Variants in CCDC146 observed in about 807,000 individuals in gnomAD.
CCDC146 encodes the protein coiled-coil domain-containing protein 146.
A neutral mutation model predicts 119.3 loss-of-function variants in CCDC146; 92 were observed. That is an observed-to-expected ratio of 0.77 (90% CI 0.65 to 0.92). The LOEUF (loss-of-function observed/expected upper bound fraction) is 0.92, where lower values mean the gene tolerates loss of function less well. Ranked by LOEUF, CCDC146 falls within the 40% of genes least tolerant of loss-of-function variation. CCDC146 has a pLI of 0.00. For missense variants in CCDC146, 1,000 were observed against 1,103.0 expected (o/e 0.91, Z 1.32); for synonymous variants, 372 against 371.8 (o/e 1.00, Z -0.01).
chr7:77,167,403 T>C (rs558747338), intron 1 of CCDC146, among the ~76,000 whole-genome samples: 150 of 152,078 alleles, frequency 9.9e-4, no homozygotes, highest in Non-Finnish European at 1.8e-3. Context: ...AATTCATATA[T>C]ATTTTTTATT....
chr7:77,162,025 G>A (rs1408157919), intron 1 of CCDC146, among the ~76,000 whole-genome samples: 1 of 152,024 alleles, frequency 6.6e-6, no homozygotes, highest in Non-Finnish European at 1.5e-5. Context: ...AGTTGTATAA[G>A]TTCCTTGTAT....
chr7:77,287,333 A>G (rs578184561), intron 16 of CCDC146, 107 bp from the exon 17 acceptor site: 39 of 1,185,750 alleles, frequency 3.3e-5, no homozygotes, highest in Middle Eastern at 2.8e-4. Context: ...AACACTTTCC[A>G]GAGGTATTTT....
Position 77,214,784 on chromosome 7 carries a change from G to C in CCDC146, c.157-22163G>C, listed in dbSNP as rs575258061. 5.3e-5 allele frequency among the ~76,000 whole-genome samples: 8 copies of C among 152,026 alleles called. No individual in the cohort carries two copies. The South Asian group carries it at 8.3e-4, about 16-fold the overall frequency. ...TCTGAGTTCTCTGTTCTGTTCCATC[G>C]ATCTGTGTGTCTATTTTTGCACCAG... is the stretch of plus-strand genomic sequence containing the variant. On this transcript the variant is annotated intron_variant, in intron 2 of 18. Coordinates refer to ENST00000285871, the MANE Select transcript of CCDC146 (RefSeq NM_020879.3).
intron 17 of CCDC146, among the ~76,000 whole-genome samples, chr7:77,289,643 G>T: frequency 6.6e-6 from 1 of 152,204 alleles, no homozygotes; most frequent in African/African-American, 2.4e-5. Flanking sequence ...ACACGTAAGT[G>T]ACCTAGCCAC....
intron 4 of CCDC146, among the ~76,000 whole-genome samples, chr7:77,248,850 T>C (rs1236336220): frequency 6.6e-6 from 1 of 152,232 alleles, no homozygotes; most frequent in Non-Finnish European, 1.5e-5. Context: ...ATATAAACTT[T>C]TTTTGTATTT....
chr7:77,226,466 T>A (rs1792516315), intron 2 of CCDC146, among the ~76,000 whole-genome samples: 1 of 152,232 alleles, frequency 6.6e-6, no homozygotes, highest in Non-Finnish European at 1.5e-5. Flanking sequence ...TGGTGAAAGC[T>A]CTTACTGAGC....
chr7:77,294,925 C>T lies in CCDC146; in HGVS notation c.*59C>T, dbSNP rs1398581522. On this transcript the variant is annotated 3_prime_UTR_variant, in exon 19 of 19. Transcript: ENST00000285871. Reference sequence around the variant, plus strand: ...GACTTCAACCAGGCTTCCTTGTACCCACAGGTGAAAAATGTGAGCATAATA... The same window carrying T: ...GACTTCAACCAGGCTTCCTTGTACCTACAGGTGAAAAATGTGAGCATAATA... The T allele has an allele frequency of 1.4e-6, 2 of 1,396,960 alleles. No homozygotes were observed. Among genetic ancestry groups the T allele is most frequent in the Non-Finnish European group, 2.0e-6 (2 of 1,008,126 alleles). 86.5% of individuals were successfully genotyped at this position (1,396,960 alleles called of 1,614,324 possible). A position where few individuals can be genotyped will look rare whatever the true frequency, so the allele number is the denominator to read the frequency against.
At chr7:77,276,916 C>CA (rs1793656882) in intron 11 of CCDC146, among the ~76,000 whole-genome samples, 1 of 152,016 alleles carries the variant, frequency 6.6e-6, no homozygotes, top group Non-Finnish European at 1.5e-5. Flanking sequence ...ACTAAAAGTA[C>CA]AAAAAATTAG....
At chr7:77,247,064 A>G (rs1324895868) in intron 4 of CCDC146, among the ~76,000 whole-genome samples, 4 of 152,210 alleles carry the variant, frequency 2.6e-5, no homozygotes, top group African/African-American at 9.6e-5. Context: ...AACCACACAT[A>G]TACATTTAAA....
At chr7:77,293,953 T>C (rs1231896690) in intron 18 of CCDC146, among the ~76,000 whole-genome samples, 2 of 152,210 alleles carry the variant, frequency 1.3e-5, no homozygotes, top group African/African-American at 4.8e-5. Context: ...GTAAATTACG[T>C]GATTTATAAT....
intron 2 of CCDC146, among the ~76,000 whole-genome samples, chr7:77,206,405 T>C (rs2150443112): frequency 6.6e-6 from 1 of 152,082 alleles, no homozygotes; most frequent in South Asian, 2.1e-4. Context: ...TCACTTGAGG[T>C]CAGGAGTTCA....
At chr7:77,183,603 T>C (rs1239079132) in intron 2 of CCDC146, among the ~76,000 whole-genome samples, 1 of 152,200 alleles carries the variant, frequency 6.6e-6, no homozygotes, top group Non-Finnish European at 1.5e-5. Flanking sequence ...TTCTTCCCTG[T>C]TTCTGTGCTT....
chr7:77,150,937 T>C (rs180728955), intron 1 of CCDC146, among the ~76,000 whole-genome samples: 2 of 152,318 alleles, frequency 1.3e-5, no homozygotes, highest in Admixed American at 1.3e-4. Context: ...TTACACTAGG[T>C]GATACAAGCC....
chr7:77,257,420 T>C (rs1428510801), intron 6 of CCDC146, among the ~76,000 whole-genome samples: 2 of 152,152 alleles, frequency 1.3e-5, no homozygotes, highest in African/African-American at 2.4e-5. Flanking sequence ...TGTTTTTCTA[T>C]AACAGTCCTA....
At chr7:77,127,440 C>G (rs1480562919) in intron 1 of CCDC146, among the ~76,000 whole-genome samples, 1 of 152,144 alleles carries the variant, frequency 6.6e-6, no homozygotes, top group African/African-American at 2.4e-5. Flanking sequence ...CCTACTGCAG[C>G]CAGCGTGATG....
intron 15 of CCDC146, among the ~76,000 whole-genome samples, chr7:77,283,455 G>T (rs1431947459): frequency 6.6e-6 from 1 of 152,030 alleles, no homozygotes; most frequent in African/African-American, 2.4e-5. Flanking sequence ...GCCTAAACTT[G>T]TTCCCATTGA....
chr7:77,225,425 C>T (rs914052335), intron 2 of CCDC146, among the ~76,000 whole-genome samples: 3 of 151,884 alleles, frequency 2.0e-5, no homozygotes, highest in Non-Finnish European at 2.9e-5. Flanking sequence ...TGGTGATGCA[C>T]ACCTGTAGTC....
In CCDC146 at chr7:77,256,420, T is replaced by C; in HGVS notation, c.595T>C (p.Leu199=). The C allele has an allele frequency of 6.2e-7, 1 of 1,607,960 alleles. No individual in the cohort carries two copies. Among genetic ancestry groups the C allele is most frequent in the South Asian group, 1.1e-5 (1 of 89,310 alleles). Residue 199 remains leucine, a synonymous_variant, in exon 6 of 19, where the codon TTA becomes CTA. Transcript: ENST00000285871. ...IMQKKLEIKN[L]REDLASKQKQ... ...GCAGAAGAAATTAGAAATTAAAAAT[T>C]TACGAGAAGATTTGGCATCTAAACA...
At chr7:77,204,821 G>A (rs1792054460) in intron 2 of CCDC146, among the ~76,000 whole-genome samples, 1 of 152,116 alleles carries the variant, frequency 6.6e-6, no homozygotes, top group Non-Finnish European at 1.5e-5. Flanking sequence ...AGAGACTTAG[G>A]AAGTTTCATA....
Sources: allele counts gnomAD v4.1 joint callset (sites outside exome capture counted in the v4.1 genomes callset), GRCh38; gene constraint gnomAD v4.1.1; transcripts MANE v1.5; gene names NCBI Gene and HGNC (gene_info 2026-07-23, HGNC 2026-07-21).